The following STAP2 variants were observed in gnomAD, a reference collection of about 807,000 sequenced individuals.
The protein encoded by STAP2 is signal transducing adaptor family member 2.
STAP2 carries 58 observed loss-of-function variants against 52.7 expected under a neutral mutation model. That is an observed-to-expected ratio of 1.10 (90% confidence interval 0.89 to 1.37). The LOEUF (loss-of-function observed/expected upper bound fraction) is 1.37, where lower values mean the gene tolerates loss of function less well. Among genes scored for constraint, STAP2 ranks in the 40% most tolerant of loss-of-function variants. STAP2 has a pLI of 0.00. For synonymous variants in STAP2, 231 were observed against 210.5 expected (o/e 1.10, Z -0.84); for missense variants, 522 against 519.4 (o/e 1.00, Z -0.05).
intron 1 of STAP2, 78 bp downstream of exon 1, chr19:4,338,573 TG>T: frequency 3.0e-6 from 1 of 338,882 alleles, no homozygotes; most frequent in Non-Finnish European, 4.8e-6. Context: ...CCTTGGCGAG[TG>T]GGGAGACAGG....
intron 11 of STAP2, 160 bp downstream of exon 11, chr19:4,325,056 G>T: frequency 1.6e-6 from 1 of 622,696 alleles, no homozygotes; most frequent in Non-Finnish European, 2.8e-6. Context: ...GGAGAATGGC[G>T]TGAACCCAGG....
chr19:4,331,359 G>A (rs181801357), intron 4 of STAP2, among the ~76,000 whole-genome samples: 5 of 147,944 alleles, frequency 3.4e-5, no homozygotes, highest in African/African-American at 1.2e-4. Context: ...ACGGTTGGTC[G>A]CTGTGGCTCA....
At chr19:4,332,240 T>G (rs1364103287) in intron 3 of STAP2, among the ~76,000 whole-genome samples, 162 bp from the exon 4 acceptor site, 1 of 140,434 alleles carries the variant, frequency 7.1e-6, no homozygotes, top group Non-Finnish European at 1.5e-5. Context: ...AGTCTCATTC[T>G]TCTGTCGCCC....
At chr19:4,324,271 C>T (rs1371813835) in intron 12 of STAP2, 74 bp from the exon 13 acceptor site, 5 of 1,474,866 alleles carry the variant, frequency 3.4e-6, no homozygotes, top group Non-Finnish European at 4.6e-6. Context: ...GACAGCCACC[C>T]AGGACCAGCT....
Position 4,333,818 on chromosome 19 carries a change from T to G in STAP2, c.175-2A>C, listed in dbSNP as rs754077208. The stretch of plus-strand genomic sequence containing the variant: ...TCCCAAGTTGAGCTTCTCCACGTGC[T>G]GGGGGCATAGAAGCAGGGGATCTGG... On this transcript the variant is annotated splice_acceptor_variant, in intron 2 of 12. Transcript: ENST00000594605. LOFTEE classifies it high-confidence loss of function. 2.5e-6 allele frequency: 4 copies of G among 1,613,768 alleles called. No homozygotes were observed. In the Admixed American group the frequency reaches 6.7e-5, roughly 27 times the overall value.
chr19:4,336,879 C>T (rs568054086), intron 1 of STAP2, among the ~76,000 whole-genome samples: 6 of 152,200 alleles, frequency 3.9e-5, no homozygotes, highest in African/African-American at 1.4e-4. Context: ...AGGTGATCCG[C>T]CTGCCTCGGC....
At chr19:4,324,309 G>A in intron 12 of STAP2, 112 bp from the exon 13 acceptor site, 3 of 1,322,042 alleles carry the variant, frequency 2.3e-6, no homozygotes, top group East Asian at 5.0e-5. Flanking sequence ...CGTGCAACAG[G>A]ACAGTGTGCT....
Position 4,325,536 on chromosome 19 carries a change from G to C in STAP2, c.839C>G (p.Pro280Arg). ...APSAPGPGPA[P>R]CTGGPKPLSP... ...CAGCGGCTTGGGGCCACCTGTGCAGGGTGCAGGACCTGATGGGGAAACGTG... is the reference window on the plus strand; with the variant it reads ...CAGCGGCTTGGGGCCACCTGTGCAGCGTGCAGGACCTGATGGGGAAACGTG... The change falls in exon 10 of 13, where the codon CCC becomes CGC. Residue 280 changes from proline (P) to arginine (R), a missense_variant. Transcript: ENST00000594605. 1 of 1,593,050 alleles carries C rather than the reference G, an allele frequency of 6.3e-7. No individual in the cohort carries two copies. Among genetic ancestry groups the C allele is most frequent in the Non-Finnish European group, 8.5e-7 (1 of 1,170,992 alleles).
Position 4,324,658 on chromosome 19 carries a change from C to A in STAP2, c.1073-129G>T, listed in dbSNP as rs1029590768. The stretch of plus-strand genomic sequence containing the variant: ...ACCAGCCTGGGCAACATGGTGAAAC[C>A]CCTTCTCTACTAAAAATACAAAAAT... On this transcript the variant is annotated intron_variant, in intron 11 of 12. Coordinates refer to ENST00000594605, the MANE Select transcript of STAP2 (RefSeq NM_001013841.2). The A allele has an allele frequency of 2.8e-5, 24 of 865,836 alleles. 1 individual carries two copies. In the African/African-American group the frequency reaches 3.4e-4, roughly 12 times the overall value. 53.6% of individuals were successfully genotyped at this position (865,836 alleles called of 1,614,324 possible). A position where few individuals can be genotyped will look rare whatever the true frequency, so the allele number is the denominator to read the frequency against.
intron 1 of STAP2, among the ~76,000 whole-genome samples, chr19:4,335,512 G>A (rs903063067): frequency 6.6e-6 from 1 of 151,644 alleles, no homozygotes; most frequent in African/African-American, 2.4e-5. Flanking sequence ...AAGCCCGCAT[G>A]TATTCACCAA....
At chr19:4,329,025 G>T (rs967287468) in intron 5 of STAP2, 7 of 613,350 alleles carry the variant, frequency 1.1e-5, no homozygotes, top group African/African-American at 9.7e-5. Flanking sequence ...TTTGAGACAG[G>T]GTTTCGCTCT....
intron 3 of STAP2, among the ~76,000 whole-genome samples, chr19:4,333,018 T>G (rs1274711669): frequency 6.9e-6 from 1 of 144,706 alleles, no homozygotes; most frequent in Non-Finnish European, 1.5e-5. Flanking sequence ...GGTGAAACCC[T>G]GTCTCTACCA....
chr19:4,333,627 AG>A, intron 3 of STAP2, 66 bp downstream of exon 3: 1 of 1,529,740 alleles, frequency 6.5e-7, no homozygotes, highest in East Asian at 2.3e-5. Flanking sequence ...GGCACAATGG[AG>A]GGTAGGAGCA....
rs150161206 is a variant in STAP2, at chr19:4,338,120, GCA to G, written c.102+530_102+531del. ...GGACTTTATTCTGAGGGAGACATAAGCACACACACACACACACATGCACGCAC... is the reference window on the plus strand; with the variant it reads ...GGACTTTATTCTGAGGGAGACATAAGCACACACACACACACATGCACGCAC... On this transcript the variant is annotated intron_variant, in intron 1 of 12. Coordinates refer to ENST00000594605, the MANE Select transcript of STAP2 (RefSeq NM_001013841.2). The G allele has an allele frequency of 1.5e-4, 23 of 151,456 alleles. No individual in the cohort carries two copies. The South Asian group carries it at 1.9e-3, about 12-fold the overall frequency. 9.4% of individuals were successfully genotyped at this position (151,456 alleles called of 1,614,324 possible).
rs543748585 is a variant in STAP2 at position 4,337,859 on chromosome 19, A to T, written c.102+793T>A. 2.8e-4 allele frequency among the ~76,000 whole-genome samples: 43 copies of T among 152,082 alleles called. No homozygotes were observed. The South Asian group carries it at 3.7e-3, about 13-fold the overall frequency. On this transcript the variant is annotated intron_variant, in intron 1 of 12. Coordinates refer to ENST00000594605, the MANE Select transcript of STAP2 (RefSeq NM_001013841.2). ...GAGTGAGACTCAGTCTCAAAAATAA[A>T]TAAATAAAATAAAAGCCAGAAGAGG...
chr19:4,324,419 G>A, intron 12 of STAP2, 36 bp downstream of exon 12: 1 of 1,512,744 alleles, frequency 6.6e-7, no homozygotes, highest in Non-Finnish European at 8.9e-7. Flanking sequence ...ACACACCTGG[G>A]AAGCCCGCCC....
At chr19:4,334,288 G>A (rs1971938940) in intron 1 of STAP2, among the ~76,000 whole-genome samples, 1 of 152,120 alleles carries the variant, frequency 6.6e-6, no homozygotes, top group South Asian at 2.1e-4. Flanking sequence ...GAACCTCGAT[G>A]TGATGAGGGA....
chr19:4,326,870 T>C (rs1196683594), intron 9 of STAP2, 72 bp downstream of exon 9: 1 of 1,525,534 alleles, frequency 6.6e-7, no homozygotes, highest in Non-Finnish European at 8.9e-7. Flanking sequence ...GCCACCAAAC[T>C]GACTGAGGGG....
chr19:4,327,040 G>T, intron 8 of STAP2, 33 bp from the exon 9 acceptor site: 1 of 1,590,586 alleles, frequency 6.3e-7, no homozygotes, highest in Non-Finnish European at 8.6e-7. Flanking sequence ...GAGGAAGCGC[G>T]GCGGCCAGGG....
Sources: allele counts gnomAD v4.1 joint callset (sites outside exome capture counted in the v4.1 genomes callset), GRCh38; gene constraint gnomAD v4.1.1; transcripts MANE v1.5; gene names NCBI Gene and HGNC (gene_info 2026-07-23, HGNC 2026-07-21).